The following DOP1A variants were observed in gnomAD, a reference collection of about 807,000 sequenced individuals.
The protein encoded by DOP1A is protein DOP1A.
Under a neutral mutation model 267.6 loss-of-function variants are expected in DOP1A, and 90 were observed. The observed-to-expected ratio is 0.34, with a 90% CI of 0.28 to 0.40. The LOEUF is 0.40. DOP1A is among the 10% of genes least tolerant of loss of function. The pLI, the probability that DOP1A is intolerant of heterozygous loss-of-function variation, is 1.00. For missense variants in DOP1A, 2,437 were observed against 2,900.4 expected (o/e 0.84, Z 3.67); for synonymous variants, 932 against 999.1 (o/e 0.93, Z 1.27).
At chr6:83,086,710 A>G (rs1421304550) in intron 1 of DOP1A, among the ~76,000 whole-genome samples, 1 of 152,228 alleles carries the variant, frequency 6.6e-6, no homozygotes, top group African/African-American at 2.4e-5. Flanking sequence ...GTTAAAGCAC[A>G]TTATGGGTGA....
At chr6:83,122,186 A>G in intron 11 of DOP1A, 136 bp downstream of exon 11, 3 of 911,762 alleles carry the variant, frequency 3.3e-6, no homozygotes, top group East Asian at 2.7e-5. Flanking sequence ...AATACTAGTA[A>G]AGCTGATTTA....
chr6:83,137,610 G>A lies in DOP1A; in HGVS notation c.3568G>A (p.Asp1190Asn), dbSNP rs1197099437. ...CCCAAAGTGCAGTGATATAGATCCA[G>A]ATGAAGAGACGATTAAAATTGAAGA... ...MPPKCSDIDP[D>N]EETIKIEDDS... The change falls in exon 21 of 39, where the codon GAT becomes AAT. Residue 1190 changes from aspartate (D) to asparagine (N), a missense_variant. This residue lies in a region of DOP1A where 878 missense variants were observed against 992.9 expected (regional missense o/e 0.88). Transcript: ENST00000349129. 6.2e-7 allele frequency: 1 copy of A among 1,613,724 alleles called. No individual in the cohort carries two copies. Among genetic ancestry groups the A allele is most frequent in the African/African-American group, 1.3e-5 (1 of 74,892 alleles).
At chr6:83,161,151 G>A (rs1010139340) in intron 37 of DOP1A, 2 of 152,084 alleles carry the variant, frequency 1.3e-5, no homozygotes, top group Non-Finnish European at 2.9e-5. Context: ...TGCTTTTGGA[G>A]GGACATGAAA....
chr6:83,075,182 C>G (rs369163005), intron 1 of DOP1A, among the ~76,000 whole-genome samples: 1 of 152,142 alleles, frequency 6.6e-6, no homozygotes, highest in African/African-American at 2.4e-5. Flanking sequence ...TCAATGTATA[C>G]ACTTAATTCA....
chr6:83,101,496 A>G (rs1226895692), intron 4 of DOP1A, among the ~76,000 whole-genome samples: 4 of 152,284 alleles, frequency 2.6e-5, no homozygotes, highest in Non-Finnish European at 4.4e-5. Context: ...AAAATAGGAT[A>G]CCTTGATCTC....
intron 1 of DOP1A, among the ~76,000 whole-genome samples, chr6:83,087,155 G>C (rs1030417555): frequency 1.3e-5 from 2 of 152,160 alleles, no homozygotes; most frequent in African/African-American, 4.8e-5. Context: ...TTACAGATTT[G>C]TTGGAGGGAA....
intron 34 of DOP1A, among the ~76,000 whole-genome samples, chr6:83,156,379 G>A (rs1345153030): frequency 6.6e-6 from 1 of 152,188 alleles, no homozygotes; most frequent in Non-Finnish European, 1.5e-5. Flanking sequence ...AGATGATTTT[G>A]CTGCGGGCAG....
rs1779234132 is a variant in DOP1A, at chr6:83,139,070, G to A, written c.5028G>A (p.Gln1676=). 1.9e-6 allele frequency: 3 copies of A among 1,613,956 alleles called. No homozygotes were observed. Among genetic ancestry groups the A allele is most frequent in the African/African-American group, 1.3e-5 (1 of 74,940 alleles). The change falls in exon 21 of 39, where the codon CAG becomes CAA. Residue 1676 remains glutamine (Q), a synonymous_variant. Coordinates refer to ENST00000349129, the MANE Select transcript of DOP1A (RefSeq NM_015018.4). ...STLPYMGKVL[Q]RVVVSVTLQL... ...TGCCTTACATGGGAAAAGTTCTGCA[G>A]AGAGTGGTTGTTTCTGTGACACTAC...
At position 83,135,782 on chromosome 6, in the gene DOP1A, C is replaced by T. The variant is rs1203084499; in HGVS notation, c.3034C>T (p.Gln1012Ter). The T allele has an allele frequency of 6.2e-7, 1 of 1,613,484 alleles. No individual in the cohort carries two copies. The highest frequency in any genetic ancestry group is 2.2e-5 in the East Asian group (1 of 44,850). ...LHPKTQRVSV[Q>*]RVQAERYWNK... ...TCCAAAAACTCAGAGGGTTTCAGTACAGCGTGTACAAGCAGAACGTTATTG... is the reference window on the plus strand; with the variant it reads ...TCCAAAAACTCAGAGGGTTTCAGTATAGCGTGTACAAGCAGAACGTTATTG... Residue 1012 changes from glutamine (Q) to a stop codon, truncating the protein, a stop_gained, in exon 20 of 39, where the codon CAG (glutamine) becomes TAG (stop). Coordinates refer to ENST00000349129, the MANE Select transcript of DOP1A (RefSeq NM_015018.4). LOFTEE classifies it high-confidence loss of function.
At chr6:83,125,769 C>A in intron 15 of DOP1A, 36 bp downstream of exon 15, 1 of 1,523,150 alleles carries the variant, frequency 6.6e-7, no homozygotes, top group South Asian at 1.2e-5. Context: ...TTAGACTGTT[C>A]ATATTTCTTC....
chr6:83,126,175 T>A (rs1045428521), intron 15 of DOP1A, among the ~76,000 whole-genome samples: 3 of 150,926 alleles, frequency 2.0e-5, no homozygotes, highest in African/African-American at 7.3e-5. Context: ...GGTTTGTGAG[T>A]ATACAAAAGA....
intron 7 of DOP1A, among the ~76,000 whole-genome samples, chr6:83,118,019 A>G (rs959736223): frequency 1.3e-5 from 2 of 152,198 alleles, no homozygotes; most frequent in Non-Finnish European, 2.9e-5. Context: ...TGAGTTCTCC[A>G]TCTAGCTGGG....
downstream of DOP1A, chr6:83,170,644 C>CT: frequency 3.3e-6 from 2 of 603,310 alleles, no homozygotes; most frequent in Non-Finnish European, 5.7e-6. Flanking sequence ...CAACTTTTCT[C>CT]TTTTTCTTCA....
Position 83,113,409 on chromosome 6 carries a change from C to T in DOP1A, c.768C>T (p.Phe256=). 1 of 1,613,464 alleles carries T rather than the reference C, an allele frequency of 6.2e-7. No homozygotes were observed. Reference sequence around the variant, plus strand: ...ACCTCATACTCTTCTGTTTTCCATTCCACATGAGTCAGGTAAAATATTAAC... The same window carrying T: ...ACCTCATACTCTTCTGTTTTCCATTTCACATGAGTCAGGTAAAATATTAAC... ...TLDLILFCFP[F]HMSQATRPDM... is the part of the protein sequence containing the mutation. Residue 256 remains phenylalanine (F), a synonymous_variant, in exon 7 of 39, where the codon TTC becomes TTT. Coordinates refer to ENST00000349129, the MANE Select transcript of DOP1A (RefSeq NM_015018.4).
chr6:83,110,811 A>C (rs747647181), intron 6 of DOP1A, among the ~76,000 whole-genome samples: 8 of 152,188 alleles, frequency 5.3e-5, no homozygotes, highest in Non-Finnish European at 1.0e-4. Flanking sequence ...CTTTTTCTGC[A>C]TATGATTATG....
chr6:83,145,674 T>C lies in DOP1A; in HGVS notation c.5676+16T>C. 5 of 1,606,914 alleles carry C rather than the reference T, an allele frequency of 3.1e-6. No individual in the cohort carries two copies. The highest frequency in any genetic ancestry group is 4.2e-6 in the Non-Finnish European group (5 of 1,177,726). On this transcript the variant is annotated intron_variant, in intron 25 of 38. Transcript: ENST00000349129. ...CAAGGACAAGGTAAGAAAAAACTCT[T>C]CTTCACATGTGTTTACAATTCTGTT...
chr6:83,126,304 A>G (rs1777142529), intron 15 of DOP1A, among the ~76,000 whole-genome samples: 1 of 151,906 alleles, frequency 6.6e-6, no homozygotes, highest in African/African-American at 2.4e-5. Flanking sequence ...AAGCATGCCA[A>G]ATGGGAGGAG....
chr6:83,098,595 C>T (rs1006511989), intron 3 of DOP1A, among the ~76,000 whole-genome samples: 2 of 152,098 alleles, frequency 1.3e-5, no homozygotes, highest in South Asian at 4.1e-4. Context: ...GCTTAGGGTA[C>T]TGGTTCATTA....
At position 83,138,125 on chromosome 6, in the gene DOP1A, C is replaced by T; in HGVS notation, c.4083C>T (p.Asn1361=). The change falls in exon 21 of 39, where the codon AAC becomes AAT. Residue 1361 remains asparagine, a synonymous_variant. Transcript: ENST00000349129. ...SPGSRKSPNF[N]IHPLYQHVLL... ...GATCTCGAAAATCTCCCAATTTCAACATTCATCCTCTCTATCAACATGTGC... is the reference window on the plus strand; with the variant it reads ...GATCTCGAAAATCTCCCAATTTCAATATTCATCCTCTCTATCAACATGTGC... 1 of 1,613,932 alleles carries T rather than the reference C, an allele frequency of 6.2e-7. No homozygotes were observed. The highest frequency in any genetic ancestry group is 8.5e-7 in the Non-Finnish European group (1 of 1,179,896).
Sources: gnomAD v4.1 joint callset for allele counts (sites outside exome capture counted in the v4.1 genomes callset) on GRCh38, gnomAD v4.1.1 for gene constraint, gnomAD v4.1.1 regional missense constraint, MANE v1.5 for transcripts, NCBI Gene and HGNC (gene_info 2026-07-23, HGNC 2026-07-21) for gene names.